Variants in RGS5 observed in about 807,000 individuals in gnomAD.
The protein encoded by RGS5 is regulator of G protein signaling 5, also known as regulator of G-protein signalling 5.
A neutral mutation model predicts 18.9 loss-of-function variants in RGS5; 20 were observed. The observed-to-expected ratio is 1.06, with a 90% CI of 0.74 to 1.54. RGS5 has a LOEUF of 1.54. RGS5 is among the 40% of genes most tolerant of loss of function. The pLI is 0.00. For synonymous variants in RGS5, 57 were observed against 76.2 expected (o/e 0.75, Z 1.31); for missense variants, 201 against 211.8 (o/e 0.95, Z 0.32).
intron 1 of RGS5, chr1:163,212,264 C>T (rs961024210): frequency 2.4e-4 from 36 of 152,128 alleles, no homozygotes; most frequent in Non-Finnish European, 4.1e-4. Context: ...CACTAAGCTT[C>T]TTGAGGATAA....
chr1:163,175,906 T>C (rs7534573), intron 1 of RGS5, among the ~76,000 whole-genome samples: 29,627 of 152,100 alleles, frequency 0.19, 3,092 homozygotes, highest in South Asian at 0.29. Flanking sequence ...GTAGTATTAA[T>C]GTGTTATGAT....
rs567910403 is a variant in RGS5 at position 163,246,589 on chromosome 1, AAAAAC to A, written c.-281+59639_-281+59643del. ...CTGTCTGAAAAACAAAAAACAAAACAAAAACAAAACAAAACAAAACAAAAAACAAA... is the reference window on the plus strand; with the variant it reads ...CTGTCTGAAAAACAAAAAACAAAACAAAAACAAAACAAAACAAAAAACAAA... On this transcript the variant is annotated intron_variant, in intron 2 of 5. Transcript: ENST00000618415. 1.1e-4 allele frequency among the ~76,000 whole-genome samples: 17 copies of A among 152,236 alleles called. 1 individual carries two copies. The highest frequency in any genetic ancestry group is 7.7e-4 in the East Asian group (4 of 5,180).
At chr1:163,231,301 A>G (rs2101684638) in intron 2 of RGS5, among the ~76,000 whole-genome samples, 1 of 152,348 alleles carries the variant, frequency 6.6e-6, no homozygotes, top group Non-Finnish European at 1.5e-5. Flanking sequence ...AACCCATGAA[A>G]TAACCAGAGC....
chr1:163,178,639 A>T (rs1167065576), intron 1 of RGS5, among the ~76,000 whole-genome samples: 1 of 152,158 alleles, frequency 6.6e-6, no homozygotes, highest in Non-Finnish European at 1.5e-5. Context: ...AGAAACTGAT[A>T]AATAATGATG....
chr1:163,149,978 C>T (rs1657309030), intron 4 of RGS5, among the ~76,000 whole-genome samples: 1 of 152,094 alleles, frequency 6.6e-6, no homozygotes, highest in African/African-American at 2.4e-5. Flanking sequence ...AGAGACTTGC[C>T]CAAAGTCCCA....
At chr1:163,234,009 T>G (rs866689237) in intron 2 of RGS5, among the ~76,000 whole-genome samples, 3 of 152,170 alleles carry the variant, frequency 2.0e-5, no homozygotes, top group Non-Finnish European at 4.4e-5. Flanking sequence ...GGGGATATGA[T>G]GGCTTAGCTT....
At chr1:163,165,752 C>T (rs1343711003) in intron 2 of RGS5, among the ~76,000 whole-genome samples, 1 of 151,862 alleles carries the variant, frequency 6.6e-6, no homozygotes, top group Non-Finnish European at 1.5e-5. Context: ...CTAAAAAATA[C>T]AAAATTAGCC....
chr1:163,172,481 G>C (rs1658347603), intron 1 of RGS5: 5 of 1,484,876 alleles, frequency 3.4e-6, no homozygotes, highest in Non-Finnish European at 4.6e-6. Context: ...TTTGTGGAAT[G>C]ATCTAGAAAT....
rs553743699 is a variant in RGS5 at position 163,245,782 on chromosome 1, C to A, written c.-281+60451G>T. Among the ~76,000 whole-genome samples, 5 of 152,308 alleles carry A rather than the reference C, an allele frequency of 3.3e-5. No homozygotes were observed. The South Asian group carries it at 1.0e-3, about 32-fold the overall frequency. Reference sequence around the variant, plus strand: ...AAAAGCATCTAAAATGGCACTTGATCCATTGTGTGTGCTCAATATATAGTA... The same window carrying A: ...AAAAGCATCTAAAATGGCACTTGATACATTGTGTGTGCTCAATATATAGTA... On this transcript the variant is annotated intron_variant, in intron 2 of 5. Transcript: ENST00000618415.
chr1:163,180,684 C>CTGTTTTTTTTTT (rs1658781737), intron 1 of RGS5, among the ~76,000 whole-genome samples: 1 of 81,864 alleles, frequency 1.2e-5, no homozygotes, highest in African/African-American at 4.8e-5. Context: ...AGCCCTTACC[C>CTGTTTTTTTTTT]TGTTTTTTTT....
At chr1:163,260,894 T>C (rs1296718625) in intron 2 of RGS5, among the ~76,000 whole-genome samples, 1 of 152,230 alleles carries the variant, frequency 6.6e-6, no homozygotes, top group Non-Finnish European at 1.5e-5. Context: ...GTAGGTGCTC[T>C]ACAAGTATCT....
At chr1:163,287,461 A>G (rs1226402715) in intron 2 of RGS5, among the ~76,000 whole-genome samples, 1 of 152,138 alleles carries the variant, frequency 6.6e-6, no homozygotes, top group East Asian at 1.9e-4. Flanking sequence ...CATGCCATTC[A>G]TTTCCTAAGT....
intron 1 of RGS5, 43 bp from the exon 2 acceptor site, chr1:163,168,411 C>T (rs1658152375): frequency 7.4e-7 from 1 of 1,347,972 alleles, no homozygotes; most frequent in Non-Finnish European, 1.1e-6. Flanking sequence ...ACCACATGTG[C>T]ATACAGATTT....
chr1:163,225,775 T>C (rs1014620223), intron 2 of RGS5, among the ~76,000 whole-genome samples: 1 of 152,168 alleles, frequency 6.6e-6, no homozygotes, highest in Non-Finnish European at 1.5e-5. Context: ...CAGCATCTCA[T>C]TTCCCAAGGC....
intron 2 of RGS5, among the ~76,000 whole-genome samples, chr1:163,222,912 TAC>T (rs1647261280): frequency 6.6e-6 from 1 of 152,086 alleles, no homozygotes; most frequent in Non-Finnish European, 1.5e-5. Context: ...CAGGCTGGAG[TAC>T]AGTGGCATGA....
At chr1:163,278,519 G>A (rs1027567218) in intron 2 of RGS5, among the ~76,000 whole-genome samples, 2 of 151,996 alleles carry the variant, frequency 1.3e-5, no homozygotes, top group South Asian at 2.1e-4. Context: ...CTATTATCAT[G>A]AAAACACAGA....
intron 2 of RGS5, among the ~76,000 whole-genome samples, chr1:163,290,269 C>G (rs1649248116): frequency 6.6e-6 from 1 of 152,172 alleles, no homozygotes; most frequent in South Asian, 2.1e-4. Context: ...TTTTCTTTCG[C>G]CTATTAAACC....
upstream of RGS5, among the ~76,000 whole-genome samples, chr1:163,205,149 G>T (rs1281062676): frequency 6.6e-6 from 1 of 152,070 alleles, no homozygotes; most frequent in Non-Finnish European, 1.5e-5. Flanking sequence ...AATAGTGATT[G>T]CTAGAGGTTA....
intron 3 of RGS5, among the ~76,000 whole-genome samples, chr1:163,157,686 T>G (rs148728230): frequency 1.3e-3 from 200 of 149,380 alleles, no homozygotes; most frequent in African/African-American, 4.8e-3. Flanking sequence ...TTAAATGGTT[T>G]AAATTTATCA....
Sources: allele counts gnomAD v4.1 joint callset (sites outside exome capture counted in the v4.1 genomes callset), GRCh38; gene constraint gnomAD v4.1.1; transcripts MANE v1.5; gene names NCBI Gene and HGNC (gene_info 2026-07-23, HGNC 2026-07-21).